HSD17B6: variants seen among roughly 807,000 people sequenced by gnomAD.
HSD17B6 encodes the protein hydroxysteroid 17-beta dehydrogenase 6.
Under a neutral mutation model 26.4 loss-of-function variants are expected in HSD17B6, and 16 were observed. That is an observed-to-expected ratio of 0.61 (90% CI 0.41 to 0.92). The LOEUF is 0.92. HSD17B6 is among the 40% of genes least tolerant of loss of function. The pLI is 0.00. For missense variants in HSD17B6, 357 were observed against 386.1 expected (o/e 0.92, Z 0.63); for synonymous variants, 139 against 153.0 (o/e 0.91, Z 0.68).
At chr12:56,782,327 C>A in intron 3 of HSD17B6, 95 bp downstream of exon 3, 1 of 1,141,966 alleles carries the variant, frequency 8.8e-7, no homozygotes, top group South Asian at 1.6e-5. Context: ...CATCACTCCT[C>A]AAATCTTGAT....
intron 3 of HSD17B6, among the ~76,000 whole-genome samples, chr12:56,784,484 G>A (rs148100236): frequency 6.6e-6 from 1 of 152,172 alleles, no homozygotes. Context: ...AGACCGGCCC[G>A]GCCAACACAG....
chr12:56,783,277 C>G (rs1264178445), intron 3 of HSD17B6, among the ~76,000 whole-genome samples: 1 of 148,000 alleles, frequency 6.8e-6, no homozygotes, highest in Non-Finnish European at 1.5e-5. Context: ...CTGACCCCCC[C>G]ACCTCCCTCC....
At chr12:56,773,333 A>G (rs2137907226) in intron 1 of HSD17B6, among the ~76,000 whole-genome samples, 1 of 152,362 alleles carries the variant, frequency 6.6e-6, no homozygotes, top group South Asian at 2.1e-4. Context: ...GATAACATCC[A>G]GATTCCGTAG....
chr12:56,773,313 C>G (rs551630329), intron 1 of HSD17B6, among the ~76,000 whole-genome samples: 1 of 152,338 alleles, frequency 6.6e-6, no homozygotes, highest in East Asian at 1.9e-4. Flanking sequence ...GTAGCATACT[C>G]TGTCCACAGG....
At chr12:56,778,263 C>G (rs922666515) in intron 2 of HSD17B6, among the ~76,000 whole-genome samples, 1 of 152,132 alleles carries the variant, frequency 6.6e-6, no homozygotes, top group African/African-American at 2.4e-5. Context: ...TCTTTGTTTT[C>G]CTCTCACCTC....
At chr12:56,773,683 C>T (rs1954524861) in intron 1 of HSD17B6, among the ~76,000 whole-genome samples, 151 bp from the exon 2 acceptor site, 1 of 152,212 alleles carries the variant, frequency 6.6e-6, no homozygotes, top group Non-Finnish European at 1.5e-5. Flanking sequence ...TGACTTCCCT[C>T]TCTAGACTGT....
chr12:56,764,010 A>AGTGAGCT (rs1259876558), intron 1 of HSD17B6, among the ~76,000 whole-genome samples: 8 of 145,738 alleles, frequency 5.5e-5, no homozygotes, highest in Non-Finnish European at 1.2e-4. Context: ...TCGAGGCTAC[A>AGTGAGCT]GTGAGCTGTG....
rs375939203 is a variant in HSD17B6, at chr12:56,783,039, T to C, written c.572+807T>C. 6.9e-4 allele frequency among the ~76,000 whole-genome samples: 105 copies of C among 152,290 alleles called. No homozygotes were observed. The East Asian group carries it at 0.015, about 21-fold the overall frequency. On this transcript the variant is annotated intron_variant, in intron 3 of 4. Coordinates refer to ENST00000322165, the MANE Select transcript of HSD17B6 (RefSeq NM_003725.4). ...AAAATGAAAAGTCTCCCATGTCTACTTCTTTCTACACAGACACGGCAACCA... is the reference window on the plus strand; with the variant it reads ...AAAATGAAAAGTCTCCCATGTCTACCTCTTTCTACACAGACACGGCAACCA...
chr12:56,769,093 G>GCTTTT (rs1315244762), intron 1 of HSD17B6, among the ~76,000 whole-genome samples: 1 of 141,248 alleles, frequency 7.1e-6, no homozygotes, highest in South Asian at 2.4e-4. Flanking sequence ...GGCAGTTTCA[G>GCTTTT]CTTTTCAAGG....
rs1450869008 is a variant in HSD17B6, at chr12:56,774,113, G to A, written c.261G>A (p.Met87Ile). 1 of 1,605,154 alleles carries A rather than the reference G, an allele frequency of 6.2e-7. No homozygotes were observed. Among genetic ancestry groups the A allele is most frequent in the Non-Finnish European group, 8.5e-7 (1 of 1,174,148 alleles). ...LETVTLDVTK[M>I]ESIAAATQWV... ...CGGTGACCCTGGATGTTACCAAGAT[G>A]GAGAGCATCGCTGCAGCTACTCAGT... Residue 87 changes from methionine to isoleucine, a missense_variant, in exon 2 of 5, where the codon ATG (methionine) becomes ATA (isoleucine). By Grantham distance (10) the Met-to-Ile change is conservative. Coordinates refer to ENST00000322165, the MANE Select transcript of HSD17B6 (RefSeq NM_003725.4).
rs953726672 is a variant in HSD17B6 at position 56,787,565 on chromosome 12, C to T, written c.*223C>T. ...CTATTTTAGCCCTTTTTTGATGAGA[C>T]TATTTGTCTAAAGTGAATCATTTGT... On this transcript the variant is annotated 3_prime_UTR_variant, in exon 5 of 5. Coordinates refer to ENST00000322165, the MANE Select transcript of HSD17B6 (RefSeq NM_003725.4). The T allele has an allele frequency of 1.1e-5, 6 of 528,674 alleles. No individual in the cohort carries two copies. The African/African-American group carries it at 1.1e-4, about 10-fold the overall frequency. 32.7% of individuals were successfully genotyped at this position (528,674 alleles called of 1,614,324 possible).
At chr12:56,786,069 T>G (rs953345088) in intron 4 of HSD17B6, 1 of 407,606 alleles carries the variant, frequency 2.5e-6, no homozygotes, top group African/African-American at 2.2e-5. Context: ...ATTGTGATGA[T>G]GATTGCACAA....
intron 2 of HSD17B6, among the ~76,000 whole-genome samples, chr12:56,780,582 G>A (rs926262001): frequency 2.6e-5 from 4 of 152,006 alleles, no homozygotes; most frequent in Non-Finnish European, 4.4e-5. Flanking sequence ...AAGTGAGGCC[G>A]GGTGCGTGGC....
At chr12:56,767,603 CAT>C (rs1424051987) in intron 1 of HSD17B6, among the ~76,000 whole-genome samples, 4 of 132,096 alleles carry the variant, frequency 3.0e-5, no homozygotes, top group African/African-American at 8.3e-5. Context: ...TATATATACA[CAT>C]ACATATATTA....
chr12:56,775,634 C>T (rs183375792), intron 2 of HSD17B6, among the ~76,000 whole-genome samples: 6 of 151,982 alleles, frequency 3.9e-5, no homozygotes, highest in Non-Finnish European at 8.8e-5. Context: ...ACCCCCTCAA[C>T]AATTTTCCCT....
chr12:56,773,899 A>G lies in HSD17B6; in HGVS notation c.47A>G (p.His16Arg). ...TTCGTGGGCCTGTACTACCTTCTGC[A>G]CTGGTACCGGGAGAGGCAGGTGGTG... ...AAFVGLYYLL[H>R]WYRERQVVSH... Residue 16 changes from histidine (H) to arginine (R), a missense_variant, in exon 2 of 5, where the codon CAC becomes CGC. By Grantham distance (29) the His-to-Arg change is conservative. Coordinates refer to ENST00000322165, the MANE Select transcript of HSD17B6 (RefSeq NM_003725.4). 6.2e-7 allele frequency: 1 copy of G among 1,611,096 alleles called. No homozygotes were observed. Among genetic ancestry groups the G allele is most frequent in the South Asian group, 1.1e-5 (1 of 90,610 alleles).
chr12:56,767,546 AC>A (rs1379263095), intron 1 of HSD17B6, among the ~76,000 whole-genome samples: 5 of 147,652 alleles, frequency 3.4e-5, no homozygotes, highest in Non-Finnish European at 5.9e-5. Context: ...CAAAAAAAAA[AC>A]AAAAACAAAA....
chr12:56,773,725 A>C, intron 1 of HSD17B6, 109 bp from the exon 2 acceptor site: 1 of 1,052,214 alleles, frequency 9.5e-7, no homozygotes, highest in South Asian at 2.0e-5. Context: ...AGTATTAATC[A>C]ATAAAGAGTC....
intron 1 of HSD17B6, among the ~76,000 whole-genome samples, chr12:56,764,068 C>CAAAAAAAAAAA (rs71081400): frequency 5.4e-5 from 4 of 74,340 alleles, no homozygotes; most frequent in African/African-American, 1.2e-4. Flanking sequence ...GACCGTGTCT[C>CAAAAAAAAAAA]AAAAAAAAAA....
Sources: allele counts gnomAD v4.1 joint callset (sites outside exome capture counted in the v4.1 genomes callset), GRCh38; gene constraint gnomAD v4.1.1; transcripts MANE v1.5; gene names NCBI Gene and HGNC (gene_info 2026-07-23, HGNC 2026-07-21).